The following PDZD8 variants were observed in gnomAD, a reference collection of about 807,000 sequenced individuals.
PDZD8 encodes the protein PDZ domain-containing protein 8.
Under a neutral mutation model 85.8 loss-of-function variants are expected in PDZD8, and 14 were observed. That is an observed-to-expected ratio of 0.16 (90% confidence interval 0.11 to 0.26). PDZD8 has a LOEUF of 0.26. Among genes scored for constraint, PDZD8 ranks in the 10% least tolerant of loss-of-function variants. PDZD8 has a pLI of 1.00. For missense variants in PDZD8, 1,197 were observed against 1,424.3 expected (o/e 0.84, Z 2.57); for synonymous variants, 592 against 568.6 (o/e 1.04, Z -0.59).
chr10:117,325,767 T>C (rs150220876), intron 2 of PDZD8, among the ~76,000 whole-genome samples: 16 of 152,244 alleles, frequency 1.1e-4, no homozygotes, highest in Non-Finnish European at 2.2e-4. Context: ...AAGTTTTTAT[T>C]ATCTTCCTAT....
chr10:117,324,609 T>C (rs1488522122), intron 2 of PDZD8, among the ~76,000 whole-genome samples: 1 of 152,206 alleles, frequency 6.6e-6, no homozygotes, highest in Non-Finnish European at 1.5e-5. Flanking sequence ...TACAAGTTTC[T>C]GATAACTTTA....
At chr10:117,328,134 T>A (rs924323983) in intron 2 of PDZD8, among the ~76,000 whole-genome samples, 4 of 152,180 alleles carry the variant, frequency 2.6e-5, no homozygotes, top group Non-Finnish European at 5.9e-5. Context: ...TGCACCAACT[T>A]ATTTATTTTG....
Position 117,318,866 on chromosome 10 carries a change from T to C in PDZD8, c.1098+6A>G, listed in dbSNP as rs1447629278. On this transcript the variant is annotated splice_donor_region_variant and intron_variant, in intron 3 of 4. Transcript: ENST00000334464. ...ATAGATATAAATCACTGTAAATCCA[T>C]TTTACCGTCTTAATAGAACTCCTCT... is the stretch of plus-strand genomic sequence containing the variant. The C allele has an allele frequency of 2.6e-6, 4 of 1,559,184 alleles. No homozygotes were observed. Among genetic ancestry groups the C allele is most frequent in the Non-Finnish European group, 3.5e-6 (4 of 1,131,866 alleles).
chr10:117,292,928 G>GTT (rs537293050), intron 3 of PDZD8, among the ~76,000 whole-genome samples: 33 of 151,812 alleles, frequency 2.2e-4, no homozygotes, highest in Non-Finnish European at 2.8e-4. Context: ...TTACAAGCTG[G>GTT]TTTTTGTTTC....
chr10:117,370,918 T>TTGTGTGTGTGTG (rs71475194), intron 1 of PDZD8, among the ~76,000 whole-genome samples: 6,457 of 146,360 alleles, frequency 0.044, 156 homozygotes, highest in Middle Eastern at 0.11. Context: ...ACAACATAGT[T>TTGTGTGTGTGTG]TGTGTGTGTG....
chr10:117,298,867 A>G (rs1304977358), intron 3 of PDZD8, among the ~76,000 whole-genome samples: 1 of 152,118 alleles, frequency 6.6e-6, no homozygotes, highest in African/African-American at 2.4e-5. Flanking sequence ...TTCTTTAAAC[A>G]TATCTTTAGC....
intron 1 of PDZD8, among the ~76,000 whole-genome samples, chr10:117,343,924 C>G (rs921209829): frequency 6.6e-6 from 1 of 152,094 alleles, no homozygotes; most frequent in African/African-American, 2.4e-5. Flanking sequence ...TATCCCAAAC[C>G]CATAAAGAAT....
chr10:117,277,306 A>ACAATT lies in PDZD8; in HGVS notation c.*5961_*5962insAATTG. 12 of 1,282,050 alleles carry ACAATT rather than the reference A, an allele frequency of 9.4e-6. No homozygotes were observed. The highest frequency in any genetic ancestry group is 1.2e-5 in the Non-Finnish European group (11 of 888,802). The allele number at this position is 1,282,050 out of a possible 1,614,324, so 79.4% of individuals were successfully genotyped here. On this transcript the variant is annotated 3_prime_UTR_variant, in exon 5 of 5. Transcript: ENST00000334464. ...AAATCATCAAAGTGTTTAATTGTAT[A>ACAATT]AAACAGTGTTTCCAGTGACACAACT...
rs1844552225 is a variant in PDZD8, at chr10:117,279,820, T to G, written c.*3448A>C. The G allele has an allele frequency of 6.6e-6, 1 of 152,204 alleles. No individual in the cohort carries two copies. Among genetic ancestry groups the G allele is most frequent in the South Asian group, 2.1e-4 (1 of 4,832 alleles). 9.4% of individuals were successfully genotyped at this position (152,204 alleles called of 1,614,324 possible). On this transcript the variant is annotated 3_prime_UTR_variant, in exon 5 of 5. Coordinates refer to ENST00000334464, the MANE Select transcript of PDZD8 (RefSeq NM_173791.5). ...AATGGTGTGCCCATGGGTATCTTCC[T>G]GCGGTGAAAGTCCACATCTTTAATC...
chr10:117,364,393 T>C (rs1336510441), intron 1 of PDZD8, among the ~76,000 whole-genome samples: 7 of 152,128 alleles, frequency 4.6e-5, no homozygotes, highest in Non-Finnish European at 1.0e-4. Context: ...AGCACTCAGA[T>C]ACATGTTTCA....
In PDZD8 at chr10:117,284,803, C is replaced by T. The variant is rs899079149; in HGVS notation, c.1930G>A (p.Asp644Asn). 13 of 1,614,072 alleles carry T rather than the reference C, an allele frequency of 8.1e-6. No homozygotes were observed. The highest frequency in any genetic ancestry group is 1.1e-5 in the South Asian group (1 of 91,082). The change falls in exon 5 of 5, where the codon GAT becomes AAT. Residue 644 changes from aspartate to asparagine, a missense_variant. Physicochemically the swap from Asp to Asn is conservative, Grantham distance 23. Coordinates refer to ENST00000334464, the MANE Select transcript of PDZD8 (RefSeq NM_173791.5). ...AAAAATTGCTTAGGTGCAGCTGCAT[C>T]GTCTATGGCATCCACATTTTTTGCT... ...KQAKNVDAID[D>N]AAAPKQFLAK...
chr10:117,374,873 C>A lies in PDZD8; in HGVS notation c.355G>T (p.Val119Phe). Residue 119 changes from valine (V) to phenylalanine (F), a missense_variant, in exon 1 of 5, where the codon GTC (valine) becomes TTC (phenylalanine). Physicochemically the swap from Val to Phe is conservative, Grantham distance 50. Around this residue, in one of 4 missense-constraint regions of PDZD8, gnomAD observed 344 missense variants for 453.6 expected, o/e 0.76. Coordinates refer to ENST00000334464, the MANE Select transcript of PDZD8 (RefSeq NM_173791.5). This position sits in a 1 kb window ranked among gnomAD's most constrained non-coding sequence, Gnocchi z 7.8. ...LRDTALTRRW[V>F]TKKIKVEFEE... ...AACTCCACCTTGATCTTCTTGGTGA[C>A]CCAGCGGCGGGTCAGCGCGGTGTCC... 1 of 1,613,706 alleles carries A rather than the reference C, an allele frequency of 6.2e-7. No individual in the cohort carries two copies. Among genetic ancestry groups the A allele is most frequent in the African/African-American group, 1.3e-5 (1 of 75,030 alleles).
At chr10:117,316,537 G>C (rs1418853916) in intron 3 of PDZD8, among the ~76,000 whole-genome samples, 2 of 151,964 alleles carry the variant, frequency 1.3e-5, no homozygotes, top group Non-Finnish European at 2.9e-5. Context: ...AAAATAAATA[G>C]ATGAGTGTAG....
chr10:117,329,978 AAGGAAG>A (rs1844388788), intron 2 of PDZD8, among the ~76,000 whole-genome samples: 1 of 63,926 alleles, frequency 1.6e-5, no homozygotes, highest in Non-Finnish European at 3.4e-5. Context: ...GGAAGGAAGG[AAGGAAG>A]GAAGGAAGGA....
chr10:117,304,398 G>A (rs1403632666), intron 3 of PDZD8, among the ~76,000 whole-genome samples: 1 of 152,108 alleles, frequency 6.6e-6, no homozygotes, highest in African/African-American at 2.4e-5. Context: ...TGATTTTACA[G>A]GCTCATAGGC....
chr10:117,283,344 T>C lies in PDZD8; in HGVS notation c.3389A>G (p.Glu1130Gly), dbSNP rs1589991818. Residue 1130 changes from glutamate (E) to glycine (G), a missense_variant, in exon 5 of 5, where the codon GAA becomes GGA. Coordinates refer to ENST00000334464, the MANE Select transcript of PDZD8 (RefSeq NM_173791.5). ...CTGAGAGTCTATTAGTTGGCTTATT[T>C]CATTATCAAGGTCTTCTTCTGTATC... ...TDDTEEDLDN[E>G]ISQLIDSQPF... 11 of 1,614,170 alleles carry C rather than the reference T, an allele frequency of 6.8e-6. No individual in the cohort carries two copies. The highest frequency in any genetic ancestry group is 8.5e-6 in the Non-Finnish European group (10 of 1,180,006).
At chr10:117,346,687 C>T (rs1295079004) in intron 1 of PDZD8, among the ~76,000 whole-genome samples, 1 of 152,050 alleles carries the variant, frequency 6.6e-6, no homozygotes, top group Non-Finnish European at 1.5e-5. Context: ...AAGCCAGGTA[C>T]ATTCAGTATG....
intron 3 of PDZD8, among the ~76,000 whole-genome samples, chr10:117,309,298 A>G (rs542461303): frequency 2.0e-5 from 3 of 152,194 alleles, no homozygotes; most frequent in African/African-American, 7.2e-5. Context: ...TCTTTACCCT[A>G]TATGAAAAAA....
At chr10:117,291,015 G>A (rs913301947) in intron 3 of PDZD8, among the ~76,000 whole-genome samples, 1 of 151,316 alleles carries the variant, frequency 6.6e-6, no homozygotes, top group Non-Finnish European at 1.5e-5. Context: ...GACTACAGGC[G>A]TGCACCACTA....
Sources: gnomAD v4.1 joint callset for allele counts (sites outside exome capture counted in the v4.1 genomes callset) on GRCh38, gnomAD v4.1.1 for gene constraint, gnomAD v4.1.1 regional missense constraint, Gnocchi (gnomAD v3.1) non-coding constraint, MANE v1.5 for transcripts, NCBI Gene and HGNC (gene_info 2026-07-23, HGNC 2026-07-21) for gene names.